The following NEBL variants were observed in gnomAD, a reference collection of about 807,000 sequenced individuals.
NEBL encodes LIM and SH3 protein 2.
In NEBL, 122 loss-of-function variants were observed where a neutral mutation model predicts 140.2. The observed-to-expected ratio is 0.87, with a 90% CI of 0.75 to 1.01. The LOEUF is 1.01. Among genes scored for constraint, NEBL ranks in the 50% least tolerant of loss-of-function variants. The pLI, the probability that NEBL is intolerant of heterozygous loss-of-function variation, is 0.00. For synonymous variants in NEBL, 436 were observed against 398.9 expected, an observed-to-expected ratio of 1.09 and a Z score of -1.11; for missense variants, 1,365 against 1,231.3, an observed-to-expected ratio of 1.11 and a Z score of -1.62.
intron 2 of NEBL, among the ~76,000 whole-genome samples, chr10:21,083,274 A>G (rs1836471315): frequency 1.3e-5 from 2 of 152,218 alleles, no homozygotes; most frequent in South Asian, 4.1e-4. Flanking sequence ...GTCGATTTAA[A>G]TTGATTTCAC....
intron 4 of NEBL, among the ~76,000 whole-genome samples, chr10:20,914,869 G>A (rs925440210): frequency 6.6e-6 from 1 of 151,136 alleles, no homozygotes; most frequent in Admixed American, 6.6e-5. Context: ...GTTTTGTTTT[G>A]TTTTTTGAGG....
At chr10:20,873,816 A>G (rs533432113) in intron 5 of NEBL, among the ~76,000 whole-genome samples, 1 of 152,204 alleles carries the variant, frequency 6.6e-6, no homozygotes, top group Non-Finnish European at 1.5e-5. Context: ...AATCTATAAA[A>G]TGCCTTAAAG....
chr10:21,148,737 G>C (rs1192041971), intron 2 of NEBL, among the ~76,000 whole-genome samples: 4 of 151,940 alleles, frequency 2.6e-5, no homozygotes, highest in African/African-American at 9.7e-5. Context: ...TGTTGGCCAG[G>C]ATGGTCTCAA....
chr10:20,887,418 T>A (rs1355968111), intron 4 of NEBL, among the ~76,000 whole-genome samples: 2 of 141,726 alleles, frequency 1.4e-5, no homozygotes, highest in African/African-American at 5.4e-5. Flanking sequence ...AACCTTTTTT[T>A]TTTTTTTTTT....
At chr10:21,093,474 A>C (rs1394334228) in intron 2 of NEBL, among the ~76,000 whole-genome samples, 1 of 152,092 alleles carries the variant, frequency 6.6e-6, no homozygotes, top group Non-Finnish European at 1.5e-5. Context: ...CAGTCCCTCC[A>C]TCGGCACTGA....
chr10:20,944,134 C>G (rs988222505), intron 4 of NEBL, among the ~76,000 whole-genome samples: 2 of 152,176 alleles, frequency 1.3e-5, no homozygotes, highest in African/African-American at 4.8e-5. Context: ...CGCAGTGGCT[C>G]AATGCCTGTA....
At chr10:21,095,381 A>G (rs571341637) in intron 2 of NEBL, among the ~76,000 whole-genome samples, 4 of 152,356 alleles carry the variant, frequency 2.6e-5, no homozygotes, top group African/African-American at 9.6e-5. Context: ...TGACAAGGAA[A>G]GATGGCCAGG....
In NEBL at chr10:20,914,969, A is replaced by ATTTTTTTTTTTTTTTTTTTTTT. The variant is rs71390798; in HGVS notation, c.357+46702_357+46703insAAAAAAAAAAAAAAAAAAAAAA. On this transcript the variant is annotated intron_variant, in intron 4 of 6. Transcript: ENST00000417816. ...TACCTCTGCCTCCCAAGTGGCTGGG[A>ATTTTTTTTTTTTTTTTTTTTTT]TTTTTTTTTTTTTTGGAGAGATGGG... is the stretch of plus-strand genomic sequence containing the variant. 8.9e-4 allele frequency among the ~76,000 whole-genome samples: 99 copies of ATTTTTTTTTTTTTTTTTTTTTT among 111,194 alleles called. 7 individuals carry two copies. The highest frequency in any genetic ancestry group is 3.3e-3 in the African/African-American group (95 of 29,214). 72.9% of individuals were successfully genotyped at this position (111,194 alleles called of 152,430 possible). A position where few individuals can be genotyped will look rare whatever the true frequency, so the allele number is the denominator to read the frequency against.
intron 2 of NEBL, among the ~76,000 whole-genome samples, chr10:21,023,182 G>T (rs1320175702): frequency 1.3e-5 from 2 of 152,166 alleles, no homozygotes; most frequent in Admixed American, 6.5e-5. Context: ...TATTCTGTGG[G>T]ATAAAGTTGC....
chr10:21,155,832 G>A (rs1390006421), intron 2 of NEBL, among the ~76,000 whole-genome samples: 5 of 152,186 alleles, frequency 3.3e-5, no homozygotes, highest in Non-Finnish European at 7.3e-5. Context: ...GCTGTGCCCA[G>A]TTCTTTATAA....
At chr10:20,887,232 CCTG>C (rs1161243996) in intron 4 of NEBL, among the ~76,000 whole-genome samples, 61 of 92,158 alleles carry the variant, frequency 6.6e-4, no homozygotes, top group African/African-American at 1.8e-3. Context: ...AATGAGTTTA[CCTG>C]ATGACAATTC....
rs979962313 is a variant in NEBL, at chr10:21,118,024, G to C, written c.164+54359C>G. 3.3e-5 allele frequency among the ~76,000 whole-genome samples: 5 copies of C among 152,086 alleles called. No homozygotes were observed. The South Asian group carries it at 1.0e-3, about 32-fold the overall frequency. On this transcript the variant is annotated intron_variant, in intron 2 of 6. Coordinates refer to the NEBL transcript ENST00000417816. ...ACTCCTAGCACAGAATAATTACCCAGTGGTTGCTAACATAGCCATCATTAT... is the reference window on the plus strand; with the variant it reads ...ACTCCTAGCACAGAATAATTACCCACTGGTTGCTAACATAGCCATCATTAT...
chr10:20,788,926 C>G (rs922361803), intron 26 of NEBL, among the ~76,000 whole-genome samples: 2 of 152,284 alleles, frequency 1.3e-5, no homozygotes, highest in East Asian at 1.9e-4. Context: ...CTGCTCTCAG[C>G]AAATATTTAT....
At chr10:21,014,322 C>T (rs1180674833) in intron 3 of NEBL, among the ~76,000 whole-genome samples, 1 of 152,058 alleles carries the variant, frequency 6.6e-6, no homozygotes, top group Non-Finnish European at 1.5e-5. Flanking sequence ...CCCTCTCTCC[C>T]ACTAGACCAT....
At chr10:20,897,367 G>A (rs1847604766), upstream of NEBL, 2 of 1,430,924 alleles carry the variant, frequency 1.4e-6, no homozygotes, top group African/African-American at 1.4e-5. Flanking sequence ...TATCTCAGTG[G>A]TGTGTGAGTG....
intron 3 of NEBL, among the ~76,000 whole-genome samples, chr10:21,235,133 A>G: frequency 6.6e-6 from 1 of 151,962 alleles, no homozygotes; most frequent in Non-Finnish European, 1.5e-5. Context: ...CATTTCTACA[A>G]AAACGTACAA....
At chr10:21,251,475 T>C (rs1255989169) in intron 2 of NEBL, among the ~76,000 whole-genome samples, 1 of 152,172 alleles carries the variant, frequency 6.6e-6, no homozygotes, top group Non-Finnish European at 1.5e-5. Context: ...GTAGGTTGAA[T>C]GGTGTTCTCC....
At chr10:20,948,083 T>C (rs1338393952) in intron 4 of NEBL, among the ~76,000 whole-genome samples, 1 of 152,236 alleles carries the variant, frequency 6.6e-6, no homozygotes, top group Non-Finnish European at 1.5e-5. Flanking sequence ...CCAAGGGCCA[T>C]GGGTTGGACA....
At chr10:20,835,438 G>A in intron 14 of NEBL, 75 bp downstream of exon 14, 1 of 1,056,956 alleles carries the variant, frequency 9.5e-7, no homozygotes. Context: ...ATTCCATATA[G>A]TAATCAAGTT....
Sources: allele counts gnomAD v4.1 joint callset (sites outside exome capture counted in the v4.1 genomes callset), GRCh38; gene constraint gnomAD v4.1.1; transcripts MANE v1.5; gene names NCBI Gene and HGNC (gene_info 2026-07-23, HGNC 2026-07-21).